Variants in CHM observed in about 807,000 individuals in gnomAD.
The protein encoded by CHM is rab proteins geranylgeranyltransferase component A 1.
CHM carries 10 observed loss-of-function variants against 49.0 expected under a neutral mutation model. The observed-to-expected ratio is 0.20, with a 90% CI of 0.13 to 0.35. CHM has a LOEUF of 0.35. CHM is among the 10% of genes least tolerant of loss of function. CHM has a pLI of 1.00. For synonymous variants in CHM, 184 were observed against 167.5 expected, an observed-to-expected ratio of 1.10 and a Z score of -0.76; for missense variants, 455 against 478.4, an observed-to-expected ratio of 0.95 and a Z score of 0.46.
chrX:85,974,323 C>T (rs1462018870), intron 4 of CHM, among the ~76,000 whole-genome samples: 3 of 111,419 alleles, frequency 2.7e-5, no homozygotes, highest in Non-Finnish European at 5.7e-5. Context: ...GGTCAATCCT[C>T]CCAAACTATA....
At position 85,942,251 on chromosome X, in the gene CHM, T is replaced by C. The variant is rs1929148105; in HGVS notation, c.1166+13902A>G. 2.8e-5 allele frequency among the ~76,000 whole-genome samples: 3 copies of C among 108,821 alleles called. No individual in the cohort carries two copies. The South Asian group carries it at 1.2e-3, about 44-fold the overall frequency. The allele number at this position is 108,821 out of a possible 115,157, so 94.5% of individuals were successfully genotyped here. ...ACTAACGGCAACATTTTCCAACTTT[T>C]CCCCTTCCCTTAGCCCCCAACCCCC... On this transcript the variant is annotated intron_variant, in intron 8 of 14. Coordinates refer to ENST00000357749, the MANE Select transcript of CHM (RefSeq NM_000390.4).
At position 85,911,353 on chromosome X, in the gene CHM, G is replaced by GA; in HGVS notation, c.1167-16dup. The GA allele has an allele frequency of 2.1e-6, 2 of 950,817 alleles. No individual in the cohort carries two copies. Among genetic ancestry groups the GA allele is most frequent in the Non-Finnish European group, 1.4e-6 (1 of 701,188 alleles). The allele number at this position is 950,817 out of a possible 1,213,427, so 78.4% of individuals were successfully genotyped here. On this transcript the variant is annotated splice_polypyrimidine_tract_variant and intron_variant, in intron 8 of 14. Transcript: ENST00000357749. Reference sequence around the variant, plus strand: ...CAGCACACATCCTAGAAAGAGAACAGAAAAATAAGAATTAGGGTAATTGGG... The same window carrying GA: ...CAGCACACATCCTAGAAAGAGAACAGAAAAAATAAGAATTAGGGTAATTGGG...
chrX:85,893,304 T>C (rs190104911), intron 12 of CHM, among the ~76,000 whole-genome samples: 1 of 111,973 alleles, frequency 8.9e-6, no homozygotes, highest in Non-Finnish European at 1.9e-5. Flanking sequence ...AAATATGTTG[T>C]AGAATGCATG....
intron 8 of CHM, among the ~76,000 whole-genome samples, chrX:85,944,705 T>C (rs1476173456): frequency 8.9e-6 from 1 of 112,119 alleles, no homozygotes; most frequent in African/African-American, 3.2e-5. Flanking sequence ...GCTCAGCCAC[T>C]AAGAAAAGCA....
intron 2 of CHM, among the ~76,000 whole-genome samples, chrX:86,014,624 T>A (rs1933213454): frequency 8.9e-6 from 1 of 112,689 alleles, no homozygotes; most frequent in Admixed American, 9.4e-5. Flanking sequence ...TGTGGAGGTC[T>A]CTGGTTGGCA....
At chrX:86,047,395 T>C (rs1934691034) in intron 1 of CHM, 89 bp downstream of exon 1, 1 of 847,776 alleles carries the variant, frequency 1.2e-6, no homozygotes, top group South Asian at 2.1e-5. Context: ...CGACCCACGA[T>C]GTTTGTCCCA....
At chrX:85,991,721 C>G (rs749489614) in intron 2 of CHM, among the ~76,000 whole-genome samples, 5 of 108,737 alleles carry the variant, frequency 4.6e-5, no homozygotes, top group Admixed American at 3.0e-4. Flanking sequence ...TAGCAGTAGG[C>G]AGAATTTCTC....
chrX:85,988,817 A>T (rs1326128703), intron 2 of CHM, among the ~76,000 whole-genome samples: 2 of 111,910 alleles, frequency 1.8e-5, no homozygotes, highest in East Asian at 5.6e-4. Flanking sequence ...CTCTACAATA[A>T]GAATTAGAAA....
At chrX:86,010,318 T>C (rs1163771789) in intron 2 of CHM, among the ~76,000 whole-genome samples, 19 of 102,449 alleles carry the variant, frequency 1.9e-4, no homozygotes, top group Admixed American at 1.1e-3. Flanking sequence ...CAAACCTGCA[T>C]GTTGCGCACA....
chrX:85,950,996 C>T (rs1267498916), intron 8 of CHM, among the ~76,000 whole-genome samples: 1 of 111,555 alleles, frequency 9.0e-6, no homozygotes, highest in Admixed American at 9.5e-5. Flanking sequence ...AAAGTATTAA[C>T]AAAAATTGTC....
chrX:85,898,989 C>A (rs1464874004), intron 11 of CHM, among the ~76,000 whole-genome samples: 10 of 112,171 alleles, frequency 8.9e-5, no homozygotes. Flanking sequence ...ATATAACGTT[C>A]ATTTATTAGC....
chrX:85,998,715 G>A (rs1467942622), intron 2 of CHM, among the ~76,000 whole-genome samples: 3 of 110,822 alleles, frequency 2.7e-5, no homozygotes, highest in African/African-American at 9.9e-5. Context: ...GTATCCTATC[G>A]CATACTGTTT....
chrX:86,007,206 T>C (rs1391846370), intron 2 of CHM, among the ~76,000 whole-genome samples: 2 of 112,113 alleles, frequency 1.8e-5, no homozygotes, highest in Non-Finnish European at 3.8e-5. Flanking sequence ...TGGATAGCCA[T>C]ATGGAGAAAG....
chrX:85,913,333 AAAGAAAG>A (rs1569411113), intron 8 of CHM, among the ~76,000 whole-genome samples: 55 of 25,212 alleles, frequency 2.2e-3, no homozygotes, highest in Admixed American at 4.6e-3. Context: ...AAAAAAAAAA[AAAGAAAG>A]AAAGAAAGAA....
At chrX:86,031,794 C>T (rs930972488) in intron 1 of CHM, among the ~76,000 whole-genome samples, 16 of 111,202 alleles carry the variant, frequency 1.4e-4, no homozygotes, top group Non-Finnish European at 3.0e-4. Context: ...GAGCCAAGAT[C>T]GCACCATTGC....
intron 8 of CHM, among the ~76,000 whole-genome samples, chrX:85,929,740 A>T (rs1474505693): frequency 1.8e-5 from 2 of 112,022 alleles, no homozygotes; most frequent in African/African-American, 6.5e-5. Flanking sequence ...GCATATGATA[A>T]AACAGCCCGA....
chrX:85,985,902 C>A (rs188125510), intron 2 of CHM, among the ~76,000 whole-genome samples: 1 of 111,667 alleles, frequency 9.0e-6, no homozygotes, highest in African/African-American at 3.3e-5. Context: ...TCCTGGGTCA[C>A]CAGCTACCCT....
chrX:86,018,570 C>T (rs1340198206), intron 2 of CHM, among the ~76,000 whole-genome samples: 1 of 112,011 alleles, frequency 8.9e-6, no homozygotes, highest in East Asian at 2.8e-4. Context: ...TCACACACAC[C>T]AAAACAACTA....
chrX:85,877,431 T>C (rs1188401951), intron 13 of CHM, among the ~76,000 whole-genome samples: 2 of 111,523 alleles, frequency 1.8e-5, no homozygotes, highest in Admixed American at 9.6e-5. Flanking sequence ...CAACGATGGT[T>C]ATCAGAGGCT....
Sources: gnomAD v4.1 joint callset for allele counts (sites outside exome capture counted in the v4.1 genomes callset) on GRCh38, gnomAD v4.1.1 for gene constraint, MANE v1.5 for transcripts, NCBI Gene and HGNC (gene_info 2026-07-23, HGNC 2026-07-21) for gene names.